SORCS2: variants seen among roughly 807,000 people sequenced by gnomAD.
The protein encoded by SORCS2 is sortilin related VPS10 domain containing receptor 2, also known as VPS10 domain-containing receptor SorCS2.
A neutral mutation model predicts 141.6 loss-of-function variants in SORCS2; 100 were observed. The ratio of observed to expected loss-of-function variants is 0.71; its 90% CI spans 0.60 to 0.83. The LOEUF (loss-of-function observed/expected upper bound fraction) is 0.83, where lower values mean the gene tolerates loss of function less well. Among genes scored for constraint, SORCS2 ranks in the 40% least tolerant of loss-of-function variants. SORCS2 has a pLI of 0.00. For missense variants in SORCS2, 1,646 were observed against 1,560.2 expected, an observed-to-expected ratio of 1.05 and a Z score of -0.93; for synonymous variants, 789 against 676.9, an observed-to-expected ratio of 1.17 and a Z score of -2.57.
At chr4:7,512,158 T>C (rs954672984) in intron 2 of SORCS2, among the ~76,000 whole-genome samples, 1 of 151,782 alleles carries the variant, frequency 6.6e-6, no homozygotes, top group Non-Finnish European at 1.5e-5. Flanking sequence ...GGTGAGCAGT[T>C]CTCCAGGCGG....
intron 23 of SORCS2, among the ~76,000 whole-genome samples, chr4:7,729,970 T>C (rs1374063874): frequency 9.9e-5 from 15 of 152,098 alleles, no homozygotes; most frequent in African/African-American, 2.7e-4. Flanking sequence ...GGCTCGCTCA[T>C]TTCTTCTCCC....
At position 7,418,711 on chromosome 4, in the gene SORCS2, C is replaced by CA. The variant is rs199784739; in HGVS notation, c.548+22356_548+22357insA. ...TGCTGCGTAACAAATGACCCCCCCCCCCACCAGATTTGTAGATTAAAACAA... is the reference window on the plus strand; with the variant it reads ...TGCTGCGTAACAAATGACCCCCCCCCACCACCAGATTTGTAGATTAAAACAA... On this transcript the variant is annotated intron_variant, in intron 2 of 26. Coordinates refer to ENST00000507866, the MANE Select transcript of SORCS2 (RefSeq NM_020777.3). 1.9e-3 allele frequency among the ~76,000 whole-genome samples: 231 copies of CA among 119,674 alleles called. 2 individuals carry two copies. The highest frequency in any genetic ancestry group is 6.2e-3 in the African/African-American group (214 of 34,242). The allele number at this position is 119,674 out of a possible 152,430, so 78.5% of individuals were successfully genotyped here.
chr4:7,255,620 G>A (rs372353990), intron 1 of SORCS2, among the ~76,000 whole-genome samples: 77 of 152,306 alleles, frequency 5.1e-4, no homozygotes, highest in African/African-American at 1.7e-3. Context: ...GGTTAGCCTC[G>A]TCTTCTCAGG....
intron 3 of SORCS2, among the ~76,000 whole-genome samples, chr4:7,568,429 C>T (rs996536047): frequency 1.3e-5 from 2 of 152,140 alleles, no homozygotes; most frequent in Non-Finnish European, 2.9e-5. Context: ...TCATTCTTCA[C>T]CACTGCTTAA....
At position 7,676,072 on chromosome 4, in the gene SORCS2, A is replaced by T; in HGVS notation, c.1184A>T (p.Asp395Val). ...LPKDLQIIST[D>V]ESQVFVAVQE... ...CAGGATCTGCAGATCATCAGCACGG[A>T]CGAGAGTCAGGTGTTCGTGGCGGTG... The change falls in exon 9 of 27, where the codon GAC becomes GTC. Residue 395 changes from aspartate (D) to valine (V), a missense_variant. By Grantham distance (152) the Asp-to-Val change is radical (BLOSUM62 -3). Coordinates refer to ENST00000507866, the MANE Select transcript of SORCS2 (RefSeq NM_020777.3). 6.3e-7 allele frequency: 1 copy of T among 1,589,846 alleles called. No homozygotes were observed. Among genetic ancestry groups the T allele is most frequent in the African/African-American group, 1.3e-5 (1 of 74,514 alleles).
Position 7,192,701 on chromosome 4 carries a change from G to C in SORCS2, c.55G>C (p.Ala19Pro). 1 of 989,214 alleles carries C rather than the reference G, an allele frequency of 1.0e-6. No homozygotes were observed. Among genetic ancestry groups the C allele is most frequent in the Non-Finnish European group, 1.2e-6 (1 of 834,016 alleles). 61.3% of individuals were successfully genotyped at this position (989,214 alleles called of 1,614,324 possible). A position where few individuals can be genotyped will look rare whatever the true frequency, so the allele number is the denominator to read the frequency against. Reference sequence around the variant, plus strand: ...GAAGGGCCCCGGCCCCACCGCCCGAGCCCCGAGCCCCGGGGCTCCGCCGCC... The same window carrying C: ...GAAGGGCCCCGGCCCCACCGCCCGACCCCCGAGCCCCGGGGCTCCGCCGCC... Reference protein sequence around the residue: ...ASKGPGPTARAPSPGAPPPPR... With the variant: ...ASKGPGPTARPPSPGAPPPPR... The change falls in exon 1 of 27, where the codon GCC (alanine) becomes CCC (proline). Residue 19 changes from alanine (A) to proline (P), a missense_variant. Ala to Pro is a conservative substitution (Grantham distance 27, BLOSUM62 -1). Coordinates refer to ENST00000507866, the MANE Select transcript of SORCS2 (RefSeq NM_020777.3). The surrounding 1 kb of genome is among the most constrained non-coding windows in gnomAD (Gnocchi z 4.0).
chr4:7,288,024 G>A (rs145216621), intron 1 of SORCS2, among the ~76,000 whole-genome samples: 2,911 of 152,294 alleles, frequency 0.019, 44 homozygotes, highest in Non-Finnish European at 0.029. Flanking sequence ...CCCCGCCGTC[G>A]ATGGCAGGAG....
intron 1 of SORCS2, among the ~76,000 whole-genome samples, chr4:7,231,016 CCA>C (rs1331734820): frequency 1.3e-5 from 2 of 152,166 alleles, no homozygotes; most frequent in African/African-American, 4.8e-5. Flanking sequence ...ATATCCATAT[CCA>C]TATCCATATC....
At chr4:7,561,544 T>A (rs763487331) in intron 3 of SORCS2, among the ~76,000 whole-genome samples, 1 of 69,318 alleles carries the variant, frequency 1.4e-5, no homozygotes, top group Non-Finnish European at 3.1e-5. Context: ...ATGTATCCAT[T>A]CATGCATCTA....
chr4:7,554,704 C>T (rs534581654), intron 3 of SORCS2, among the ~76,000 whole-genome samples: 1 of 152,138 alleles, frequency 6.6e-6, no homozygotes, highest in African/African-American at 2.4e-5. Flanking sequence ...AGAGGAGTGC[C>T]AGGATTGAGA....
At chr4:7,723,070 G>A (rs1357199033) in intron 18 of SORCS2, among the ~76,000 whole-genome samples, 1 of 152,152 alleles carries the variant, frequency 6.6e-6, no homozygotes, top group Non-Finnish European at 1.5e-5. Flanking sequence ...GTTATTGGAA[G>A]GTGGAAGGAG....
chr4:7,637,238 C>A (rs1720317347), intron 3 of SORCS2, among the ~76,000 whole-genome samples: 1 of 152,196 alleles, frequency 6.6e-6, no homozygotes, highest in South Asian at 2.1e-4. Context: ...CTGTCCGAGG[C>A]CTTGCAGACC....
chr4:7,365,170 C>T (rs968239525), intron 1 of SORCS2, among the ~76,000 whole-genome samples: 1 of 152,192 alleles, frequency 6.6e-6, no homozygotes, highest in Admixed American at 6.5e-5. Flanking sequence ...GTGCTACCAG[C>T]AGTGAGAGGC....
chr4:7,264,604 T>C (rs1035544141), intron 1 of SORCS2, among the ~76,000 whole-genome samples: 2 of 152,218 alleles, frequency 1.3e-5, no homozygotes, highest in Non-Finnish European at 2.9e-5. Flanking sequence ...GGGAAGGTGC[T>C]GTGTGGCCCG....
At chr4:7,705,970 A>G (rs1044390663) in intron 14 of SORCS2, among the ~76,000 whole-genome samples, 5 of 152,334 alleles carry the variant, frequency 3.3e-5, no homozygotes, top group East Asian at 3.9e-4. Context: ...AGCTGGGACA[A>G]TGCTGCCCAT....
At chr4:7,413,203 C>A (rs554456427) in intron 2 of SORCS2, among the ~76,000 whole-genome samples, 5 of 152,170 alleles carry the variant, frequency 3.3e-5, no homozygotes, top group African/African-American at 4.8e-5. Context: ...AATTTGTGAT[C>A]ATCATAAACA....
At chr4:7,652,512 C>T (rs1721510628) in intron 4 of SORCS2, among the ~76,000 whole-genome samples, 2 of 152,146 alleles carry the variant, frequency 1.3e-5, no homozygotes, top group African/African-American at 4.8e-5. Flanking sequence ...CGACCCCGCC[C>T]ACTCCTCCCA....
intron 1 of SORCS2, among the ~76,000 whole-genome samples, chr4:7,355,882 G>C (rs6841755): frequency 0.3 from 45,037 of 152,206 alleles, 7,075 homozygotes; most frequent in East Asian, 0.59. Context: ...GGCTTCCTGG[G>C]TGATGGCAGG....
At chr4:7,449,309 T>C (rs1398616938) in intron 2 of SORCS2, among the ~76,000 whole-genome samples, 1 of 20,894 alleles carries the variant, frequency 4.8e-5, no homozygotes, top group African/African-American at 2.1e-4. Context: ...CTCCCCTTTC[T>C]TCCCTTCTCT....
Sources: gnomAD v4.1 joint callset for allele counts (sites outside exome capture counted in the v4.1 genomes callset) on GRCh38, gnomAD v4.1.1 for gene constraint, Gnocchi (gnomAD v3.1) non-coding constraint, MANE v1.5 for transcripts, NCBI Gene and HGNC (gene_info 2026-07-23, HGNC 2026-07-21) for gene names.